Variants in DMD observed in about 807,000 individuals in gnomAD.
The protein encoded by DMD is dystrophin.
DMD carries 63 observed loss-of-function variants against 330.1 expected under a neutral mutation model. The observed-to-expected ratio is 0.19, with a 90% CI of 0.16 to 0.24. The LOEUF (loss-of-function observed/expected upper bound fraction) is 0.24, where lower values mean the gene tolerates loss of function less well. Among genes scored for constraint, DMD ranks in the 10% least tolerant of loss-of-function variants. DMD has a pLI of 1.00. For synonymous variants in DMD, 1,223 were observed against 959.8 expected (o/e 1.27, Z -5.07); for missense variants, 3,344 against 2,684.1 (o/e 1.25, Z -5.43).
chrX:32,858,553 C>G (rs1310110760), intron 2 of DMD, among the ~76,000 whole-genome samples: 1 of 111,540 alleles, frequency 9.0e-6, no homozygotes, highest in African/African-American at 3.3e-5. Flanking sequence ...TTGTCTCCAT[C>G]TCTTGACCTT....
chrX:33,148,393 C>T (rs1254383440), intron 1 of DMD, among the ~76,000 whole-genome samples: 1 of 111,963 alleles, frequency 8.9e-6, no homozygotes, highest in African/African-American at 3.2e-5. Flanking sequence ...CCATATTTTT[C>T]ACAATGATTT....
intron 77 of DMD, among the ~76,000 whole-genome samples, 156 bp downstream of exon 77, chrX:31,133,946 T>C (rs1434969803): frequency 8.9e-6 from 1 of 112,261 alleles, no homozygotes; most frequent in East Asian, 2.8e-4. Context: ...AACCACAAAT[T>C]CACACTTAAA....
At chrX:32,180,676 A>G (rs1223833755) in intron 44 of DMD, among the ~76,000 whole-genome samples, 1 of 111,541 alleles carries the variant, frequency 9.0e-6, no homozygotes, top group African/African-American at 3.3e-5. Flanking sequence ...ATTGACACAC[A>G]GTTCAGCATG....
At chrX:32,622,765 C>A (rs748269951) in intron 11 of DMD, among the ~76,000 whole-genome samples, 2 of 110,841 alleles carry the variant, frequency 1.8e-5, no homozygotes, top group African/African-American at 6.5e-5. Context: ...GGATTTGGTG[C>A]CCCCCGGGGT....
chrX:31,614,385 A>C (rs1323910479), intron 55 of DMD, among the ~76,000 whole-genome samples: 1 of 112,184 alleles, frequency 8.9e-6, no homozygotes, highest in Non-Finnish European at 1.9e-5. Context: ...TTGGAGGTGA[A>C]TAGATATTAG....
intron 13 of DMD, among the ~76,000 whole-genome samples, chrX:32,584,862 G>A (rs890530230): frequency 4.5e-5 from 5 of 111,497 alleles, no homozygotes; most frequent in African/African-American, 1.3e-4. Flanking sequence ...TGTTACTTCT[G>A]TAATAAGTCT....
chrX:32,271,514 T>C (rs1003185735), intron 43 of DMD, among the ~76,000 whole-genome samples: 3 of 113,045 alleles, frequency 2.7e-5, no homozygotes, highest in African/African-American at 9.6e-5. Flanking sequence ...AAAATAATTC[T>C]TGTGAAAATT....
chrX:32,745,880 T>A (rs752752962), intron 7 of DMD, among the ~76,000 whole-genome samples: 17 of 112,272 alleles, frequency 1.5e-4, no homozygotes, highest in Non-Finnish European at 2.4e-4. Flanking sequence ...TGCAAAATTC[T>A]GTATTTTCCT....
intron 2 of DMD, among the ~76,000 whole-genome samples, chrX:32,914,108 C>T (rs1016410727): frequency 1.8e-5 from 2 of 111,555 alleles, no homozygotes; most frequent in East Asian, 2.8e-4. Flanking sequence ...ACAATCCAAA[C>T]GAGATTCTTT....
chrX:32,531,421 G>C (rs1407326838), intron 17 of DMD, among the ~76,000 whole-genome samples: 1 of 111,463 alleles, frequency 9.0e-6, no homozygotes, highest in African/African-American at 3.3e-5. Flanking sequence ...CTAAAAATCT[G>C]CTTAAAATTA....
At chrX:31,215,107 A>G (rs1445646925) in intron 64 of DMD, among the ~76,000 whole-genome samples, 2 of 106,596 alleles carry the variant, frequency 1.9e-5, no homozygotes, top group African/African-American at 6.9e-5. Flanking sequence ...ACGCCTGGCT[A>G]ATTTTTTGTA....
intron 12 of DMD, among the ~76,000 whole-genome samples, chrX:32,608,290 T>G (rs1431244025): frequency 9.0e-6 from 1 of 110,669 alleles, no homozygotes. Flanking sequence ...GGATATTAGA[T>G]GTCTTCTCAA....
chrX:32,566,997 T>C (rs775820694), intron 15 of DMD, among the ~76,000 whole-genome samples: 2 of 111,802 alleles, frequency 1.8e-5, no homozygotes, highest in Non-Finnish European at 3.8e-5. Flanking sequence ...ACAGAGCAAA[T>C]TGTCATGACA....
In DMD at chrX:32,971,493, T is replaced by C. The variant is rs760195379; in HGVS notation, c.93+48646A>G. ...ATGGAGTAAAAATAACTTTATAGTT[T>C]ATTGCTGAATGATTTACATTTTTAT... On this transcript the variant is annotated intron_variant, in intron 2 of 78. Transcript: ENST00000357033. Among the ~76,000 whole-genome samples the C allele has an allele frequency of 3.6e-5, 4 of 111,308 alleles. 1 individual carries two copies. Among genetic ancestry groups the C allele is most frequent in the South Asian group, 3.8e-4 (1 of 2,636 alleles).
intron 51 of DMD, among the ~76,000 whole-genome samples, chrX:31,766,902 T>TGTGTG (rs58442587): frequency 9.1e-6 from 1 of 110,309 alleles, no homozygotes; most frequent in Non-Finnish European, 1.9e-5. Context: ...TGTGTGTGTG[T>TGTGTG]TTGCAACTCT....
chrX:32,565,463 G>A (rs977288741), intron 16 of DMD, among the ~76,000 whole-genome samples: 2 of 111,319 alleles, frequency 1.8e-5, no homozygotes, highest in Admixed American at 9.6e-5. Context: ...TCAGTTCCCC[G>A]TTACTATTGG....
At chrX:31,283,962 G>A (rs961270478) in intron 62 of DMD, among the ~76,000 whole-genome samples, 1 of 111,935 alleles carries the variant, frequency 8.9e-6, no homozygotes, top group East Asian at 2.8e-4. Context: ...CTCATCATAA[G>A]TTGAAAATAT....
In DMD at chrX:32,452,974, T is replaced by G. The variant is rs1603633812; in HGVS notation, c.3603+1688A>C. Among the ~76,000 whole-genome samples the G allele has an allele frequency of 2.7e-5, 3 of 111,083 alleles. No individual in the cohort carries two copies. In the East Asian group the frequency reaches 8.5e-4, roughly 32 times the overall value. The stretch of plus-strand genomic sequence containing the variant: ...AATAGAATGTGTTTCCATAAAGATT[T>G]TTTTAAGTGGTTGGCTTTTCCTTAT... On this transcript the variant is annotated intron_variant, in intron 26 of 78. Coordinates refer to ENST00000357033, the MANE Select transcript of DMD (RefSeq NM_004006.3).
At chrX:31,224,303 C>A (rs774859967) in intron 63 of DMD, among the ~76,000 whole-genome samples, 23 of 112,036 alleles carry the variant, frequency 2.1e-4, no homozygotes, top group Non-Finnish European at 4.1e-4. Flanking sequence ...ATGACACCTA[C>A]GAAACCAATT....
Sources: gnomAD v4.1 joint callset for allele counts (sites outside exome capture counted in the v4.1 genomes callset) on GRCh38, gnomAD v4.1.1 for gene constraint, MANE v1.5 for transcripts, NCBI Gene and HGNC (gene_info 2026-07-23, HGNC 2026-07-21) for gene names.